The following ARHGAP15 variants were observed in gnomAD, a reference collection of about 807,000 sequenced individuals.
ARHGAP15 encodes the protein Rho GTPase activating protein 15.
A neutral mutation model predicts 63.7 loss-of-function variants in ARHGAP15; 51 were observed. That is an observed-to-expected ratio of 0.80 (90% CI 0.64 to 1.01). ARHGAP15 has a LOEUF of 1.01. ARHGAP15 is among the 50% of genes least tolerant of loss of function. The probability of loss-of-function intolerance (pLI) is 0.00; values close to 1 mark genes in which losing one functional copy is unlikely to be tolerated. For missense variants in ARHGAP15, 560 were observed against 564.6 expected, an observed-to-expected ratio of 0.99 and a Z score of 0.08; for synonymous variants, 191 against 193.8, an observed-to-expected ratio of 0.99 and a Z score of 0.12.
At chr2:143,247,765 CTT>C (rs1694099099) in intron 5 of ARHGAP15, among the ~76,000 whole-genome samples, 1 of 152,150 alleles carries the variant, frequency 6.6e-6, no homozygotes, top group Non-Finnish European at 1.5e-5. Flanking sequence ...AATTGAGTGA[CTT>C]TGTGTAATCT....
chr2:143,315,367 C>G (rs929057526), intron 6 of ARHGAP15, among the ~76,000 whole-genome samples: 1 of 152,034 alleles, frequency 6.6e-6, no homozygotes, highest in African/African-American at 2.4e-5. Flanking sequence ...CTTAATTTAT[C>G]CTAGGCCAAT....
intron 5 of ARHGAP15, chr2:143,236,062 C>T (rs993204942): frequency 7.1e-7 from 1 of 1,413,498 alleles, no homozygotes; most frequent in Non-Finnish European, 9.4e-7. Context: ...AGAAGCTCTG[C>T]AATTTAGAAC....
chr2:143,440,041 C>CT (rs916055341), intron 8 of ARHGAP15, among the ~76,000 whole-genome samples: 37 of 149,102 alleles, frequency 2.5e-4, no homozygotes, highest in African/African-American at 4.7e-4. Flanking sequence ...AGTTGTAAGC[C>CT]TTTTTTTTTA....
intron 11 of ARHGAP15, among the ~76,000 whole-genome samples, chr2:143,578,522 C>G (rs989204475): frequency 2.0e-5 from 3 of 152,052 alleles, no homozygotes; most frequent in African/African-American, 7.2e-5. Context: ...TTTGATGACT[C>G]TAGGCCATCT....
At chr2:143,423,836 T>C (rs866224859) in intron 6 of ARHGAP15, among the ~76,000 whole-genome samples, 1 of 152,180 alleles carries the variant, frequency 6.6e-6, no homozygotes, top group Non-Finnish European at 1.5e-5. Context: ...GTAGGTATTA[T>C]TGTTTTTCTC....
At chr2:143,413,966 T>TGTGTGCGCGCGCGCGCACGC in intron 6 of ARHGAP15, among the ~76,000 whole-genome samples, 1 of 117,910 alleles carries the variant, frequency 8.5e-6, no homozygotes, top group African/African-American at 3.5e-5. Context: ...TGTGTGTGTG[T>TGTGTGCGCGCGCGCGCACGC]GCGCGCTCTC....
chr2:143,724,795 A>G (rs183154163), intron 13 of ARHGAP15, among the ~76,000 whole-genome samples: 37 of 152,336 alleles, frequency 2.4e-4, no homozygotes, highest in Admixed American at 1.3e-3. Flanking sequence ...CCAGCAAAGG[A>G]AAAAAATGTA....
chr2:143,588,204 C>T (rs756807795), intron 11 of ARHGAP15, among the ~76,000 whole-genome samples: 5 of 152,148 alleles, frequency 3.3e-5, no homozygotes, highest in South Asian at 2.1e-4. Flanking sequence ...ACTTTCTTCC[C>T]TTTACTACAT....
At chr2:143,420,244 A>G (rs1688861331) in intron 6 of ARHGAP15, among the ~76,000 whole-genome samples, 1 of 152,096 alleles carries the variant, frequency 6.6e-6, no homozygotes, top group African/African-American at 2.4e-5. Context: ...CAATTTACTC[A>G]TTTTTTTGAG....
At position 143,768,123 on chromosome 2, in the gene ARHGAP15, A is replaced by G; in HGVS notation, c.1379A>G (p.Glu460Gly). ...IHMVYQNQIAELMLSEYSKIF... is the reference protein window; with the variant it reads ...IHMVYQNQIAGLMLSEYSKIF... ...ATGGTCTACCAGAACCAGATAGCTGAGCTCATGCTGAGTGAGTACAGTAAG... is the reference window on the plus strand; with the variant it reads ...ATGGTCTACCAGAACCAGATAGCTGGGCTCATGCTGAGTGAGTACAGTAAG... Residue 460 changes from glutamate to glycine, a missense_variant, in exon 14 of 14, where the codon GAG (glutamate) becomes GGG (glycine). By Grantham distance (98) the Glu-to-Gly change is moderately conservative. Coordinates refer to ENST00000295095, the MANE Select transcript of ARHGAP15 (RefSeq NM_018460.4). 6.2e-7 allele frequency: 1 copy of G among 1,613,848 alleles called. No individual in the cohort carries two copies. The highest frequency in any genetic ancestry group is 8.5e-7 in the Non-Finnish European group (1 of 1,179,780).
intron 6 of ARHGAP15, among the ~76,000 whole-genome samples, chr2:143,288,265 C>CAA (rs1185240946): frequency 6.6e-6 from 1 of 152,050 alleles, no homozygotes; most frequent in African/African-American, 2.4e-5. Context: ...CCTACACTTC[C>CAA]GAATGCATAC....
intron 6 of ARHGAP15, among the ~76,000 whole-genome samples, chr2:143,261,637 G>A (rs1055164665): frequency 1.3e-5 from 2 of 151,854 alleles, no homozygotes; most frequent in Non-Finnish European, 2.9e-5. Flanking sequence ...CCTAAGCCAC[G>A]GTGCCTGGCC....
At chr2:143,441,297 T>C (rs10803493) in intron 8 of ARHGAP15, among the ~76,000 whole-genome samples, 135,561 of 152,050 alleles carry the variant, frequency 0.89, 60,767 homozygotes, top group Middle Eastern at 0.97. Context: ...GCAGCTGGTC[T>C]TTCCCCTGGC....
intron 8 of ARHGAP15, among the ~76,000 whole-genome samples, chr2:143,451,035 C>T (rs958395082): frequency 6.6e-6 from 1 of 151,916 alleles, no homozygotes; most frequent in Non-Finnish European, 1.5e-5. Context: ...TGTATATCCT[C>T]TCTCTCTAAA....
chr2:143,372,011 G>GAAGTAAAT (rs1686580363), intron 6 of ARHGAP15, among the ~76,000 whole-genome samples: 1 of 147,912 alleles, frequency 6.8e-6, no homozygotes, highest in South Asian at 2.2e-4. Flanking sequence ...CGAGCCTATG[G>GAAGTAAAT]AAATAAATAA....
At chr2:143,161,928 G>A (rs559432273) in intron 2 of ARHGAP15, 1 of 152,030 alleles carries the variant, frequency 6.6e-6, no homozygotes, top group African/African-American at 2.4e-5. Context: ...AGGATGGCAT[G>A]TTTCACAGTA....
chr2:143,253,106 T>C (rs1402801468), intron 6 of ARHGAP15, among the ~76,000 whole-genome samples: 1 of 152,078 alleles, frequency 6.6e-6, no homozygotes, highest in Admixed American at 6.6e-5. Flanking sequence ...TCTCAGTCTA[T>C]GAATTATAGA....
chr2:143,561,384 G>T (rs545384630), intron 11 of ARHGAP15, among the ~76,000 whole-genome samples: 2 of 152,282 alleles, frequency 1.3e-5, no homozygotes, highest in East Asian at 3.9e-4. Flanking sequence ...AAGCATTGCC[G>T]GAAGAACTGA....
At chr2:143,155,360 T>C in intron 1 of ARHGAP15, 117 bp from the exon 2 acceptor site, 1 of 977,954 alleles carries the variant, frequency 1.0e-6, no homozygotes, top group Non-Finnish European at 1.4e-6. Context: ...GTCAGAGAGG[T>C]GAAGACTCTT....
Sources: allele counts gnomAD v4.1 joint callset (sites outside exome capture counted in the v4.1 genomes callset), GRCh38; gene constraint gnomAD v4.1.1; transcripts MANE v1.5; gene names NCBI Gene and HGNC (gene_info 2026-07-23, HGNC 2026-07-21).